ABL1: variants seen among roughly 807,000 people sequenced by gnomAD.
ABL1 encodes the protein tyrosine-protein kinase ABL1.
ABL1 carries 11 observed loss-of-function variants against 94.7 expected under a neutral mutation model. That is an observed-to-expected ratio of 0.12 (90% CI 0.07 to 0.19). ABL1 has a LOEUF of 0.19. Among genes scored for constraint, ABL1 ranks in the 10% least tolerant of loss-of-function variants. The probability of loss-of-function intolerance (pLI) is 1.00; values close to 1 mark genes in which losing one functional copy is unlikely to be tolerated. For synonymous variants in ABL1, 656 were observed against 622.4 expected (o/e 1.05, Z -0.80); for missense variants, 1,082 against 1,489.4 (o/e 0.73, Z 4.50).
At position 130,735,729 on chromosome 9, in the gene ABL1, C is replaced by T. The variant is rs138182994; in HGVS notation, c.136+21274C>T. 8.0e-3 allele frequency among the ~76,000 whole-genome samples: 1,213 copies of T among 151,112 alleles called. 15 individuals are homozygous for T. The highest frequency in any genetic ancestry group is 0.027 in the African/African-American group (1,128 of 41,170). On this transcript the variant is annotated intron_variant, in intron 1 of 10. Coordinates refer to the ABL1 transcript ENST00000372348. ...CCTTTCTGGACTTTTGGAGTGTTTC[C>T]AGTCTTTAGATATGATAAACAGTGC...
chr9:130,718,037 G>A (rs529529596), intron 1 of ABL1, among the ~76,000 whole-genome samples: 1 of 148,692 alleles, frequency 6.7e-6, no homozygotes, highest in East Asian at 1.9e-4. Flanking sequence ...GAAATTCCTG[G>A]CTGGGTGTGG....
At chr9:130,759,079 T>C (rs1036859807) in intron 1 of ABL1, among the ~76,000 whole-genome samples, 1 of 152,156 alleles carries the variant, frequency 6.6e-6, no homozygotes, top group African/African-American at 2.4e-5. Flanking sequence ...CACAATCTGA[T>C]CAAGAAATGG....
At chr9:130,800,845 G>T (rs553082922) in intron 1 of ABL1, among the ~76,000 whole-genome samples, 7 of 151,878 alleles carry the variant, frequency 4.6e-5, no homozygotes, top group Admixed American at 4.6e-4. Flanking sequence ...CAGCTGCTAT[G>T]AACATTTGTG....
intron 3 of ABL1, among the ~76,000 whole-genome samples, chr9:130,860,775 C>T (rs142564470): frequency 2.0e-5 from 3 of 152,286 alleles, no homozygotes; most frequent in East Asian, 1.9e-4. Context: ...GCTGAGCTAA[C>T]GTGAGAACAG....
In ABL1 at chr9:130,884,515, C is replaced by G. The variant is rs755080856; in HGVS notation, c.2225C>G (p.Ser742Cys). ...RSVTLPRDLQ[S>C]TGRQFDSSTF... is the part of the protein sequence containing the mutation. ...GTCACGCTGCCTCGGGACTTGCAGT[C>G]CACGGGAAGACAGTTTGACTCGTCC... Residue 742 changes from serine to cysteine, a missense_variant, in exon 11 of 11, where the codon TCC becomes TGC. By Grantham distance (112) the Ser-to-Cys change is moderately radical. Coordinates refer to ENST00000318560, the MANE Select transcript of ABL1 (RefSeq NM_005157.6). The surrounding 1 kb of genome is among the most constrained non-coding windows in gnomAD (Gnocchi z 5.6). 1.2e-6 allele frequency: 2 copies of G among 1,613,218 alleles called. No homozygotes were observed. Among genetic ancestry groups the G allele is most frequent in the Non-Finnish European group, 1.7e-6 (2 of 1,180,042 alleles).
intron 1 of ABL1, among the ~76,000 whole-genome samples, chr9:130,735,217 A>T (rs1321388497): frequency 6.6e-6 from 1 of 152,054 alleles, no homozygotes; most frequent in Non-Finnish European, 1.5e-5. Context: ...TTTAGTAGCG[A>T]TGGGGTTTCA....
chr9:130,797,098 C>T (rs1335028681), intron 1 of ABL1, among the ~76,000 whole-genome samples: 5 of 147,614 alleles, frequency 3.4e-5, no homozygotes, highest in African/African-American at 7.5e-5. Flanking sequence ...TAGCCAGGCA[C>T]GGTGGCAAGC....
chr9:130,791,651 C>G (rs1829909997), intron 1 of ABL1, among the ~76,000 whole-genome samples: 1 of 152,174 alleles, frequency 6.6e-6, no homozygotes, highest in Non-Finnish European at 1.5e-5. Flanking sequence ...TCCTGCCCGT[C>G]CACATAAGAC....
At chr9:130,761,882 C>T (rs941212568) in intron 1 of ABL1, among the ~76,000 whole-genome samples, 3 of 152,172 alleles carry the variant, frequency 2.0e-5, no homozygotes, top group Non-Finnish European at 4.4e-5. Context: ...GTGGCTCACA[C>T]CTGTAATCCC....
upstream of ABL1, chr9:130,834,890 G>A: frequency 2.2e-6 from 1 of 455,936 alleles, no homozygotes; most frequent in Non-Finnish European, 4.4e-6. Context: ...CGGGTCAGAG[G>A]GTTTGCCTGG....
chr9:130,861,967 T>C (rs1273940306), intron 3 of ABL1, among the ~76,000 whole-genome samples: 1 of 152,232 alleles, frequency 6.6e-6, no homozygotes, highest in Admixed American at 6.5e-5. Context: ...ATGCAAACTC[T>C]ACATGCAGGG....
chr9:130,727,633 C>T (rs2132686285), intron 1 of ABL1, among the ~76,000 whole-genome samples: 1 of 151,518 alleles, frequency 6.6e-6, no homozygotes, highest in African/African-American at 2.4e-5. Context: ...TTGGTGGCAG[C>T]TGCCTATAGC....
At chr9:130,788,445 G>A (rs1206586979) in intron 1 of ABL1, among the ~76,000 whole-genome samples, 1 of 152,218 alleles carries the variant, frequency 6.6e-6, no homozygotes, top group East Asian at 1.9e-4. Flanking sequence ...TAAGAACAAG[G>A]ATCTTCTCTT....
intron 1 of ABL1, among the ~76,000 whole-genome samples, chr9:130,729,791 A>G (rs1294073910): frequency 6.6e-6 from 1 of 151,152 alleles, no homozygotes; most frequent in African/African-American, 2.4e-5. Context: ...GCTGGAGTGC[A>G]GTGGTGTGAT....
intron 1 of ABL1, among the ~76,000 whole-genome samples, chr9:130,821,030 A>G (rs893809930): frequency 6.6e-6 from 1 of 152,152 alleles, no homozygotes; most frequent in African/African-American, 2.4e-5. Context: ...CCCGGGTTCA[A>G]GCGATTCTCC....
intron 1 of ABL1, among the ~76,000 whole-genome samples, chr9:130,784,115 A>T (rs918874787): frequency 1.9e-4 from 14 of 74,924 alleles, no homozygotes; most frequent in Middle Eastern, 7.7e-3. Flanking sequence ...TCTCATTTTT[A>T]AAAAAAATCT....
At chr9:130,749,318 G>A (rs1831926812) in intron 1 of ABL1, among the ~76,000 whole-genome samples, 1 of 152,174 alleles carries the variant, frequency 6.6e-6, no homozygotes, top group Non-Finnish European at 1.5e-5. Context: ...TACTATAAAT[G>A]ACATATCTTG....
intron 1 of ABL1, among the ~76,000 whole-genome samples, chr9:130,768,735 A>G (rs572833707): frequency 1.3e-5 from 2 of 152,222 alleles, no homozygotes; most frequent in Non-Finnish European, 1.5e-5. Context: ...GGCCCACTCT[A>G]TAGGGTCTTT....
At chr9:130,816,471 G>A (rs1830287943) in intron 1 of ABL1, among the ~76,000 whole-genome samples, 1 of 150,556 alleles carries the variant, frequency 6.6e-6, no homozygotes, top group African/African-American at 2.4e-5. Context: ...ACCACACCCG[G>A]CCCCGATCAC....
Sources: allele counts gnomAD v4.1 joint callset (sites outside exome capture counted in the v4.1 genomes callset), GRCh38; gene constraint gnomAD v4.1.1; non-coding constraint Gnocchi (gnomAD v3.1); transcripts MANE v1.5; gene names NCBI Gene and HGNC (gene_info 2026-07-23, HGNC 2026-07-21).